Variants in ROBO2 observed in about 807,000 individuals in gnomAD.
ROBO2 encodes roundabout guidance receptor 2, also known as roundabout homolog 2.
A neutral mutation model predicts 160.8 loss-of-function variants in ROBO2; 53 were observed. The observed-to-expected ratio is 0.33, with a 90% CI of 0.26 to 0.41. The LOEUF (loss-of-function observed/expected upper bound fraction) is 0.41. ROBO2 is among the 10% of genes least tolerant of loss of function. The probability of loss-of-function intolerance (pLI) is 1.00; values close to 1 mark genes in which losing one functional copy is unlikely to be tolerated. For missense variants in ROBO2, 1,577 were observed against 1,722.4 expected (o/e 0.92, Z 1.49); for synonymous variants, 664 against 611.7 (o/e 1.09, Z -1.26).
chr3:76,614,519 T>A (rs2088408022), intron 2 of ROBO2, among the ~76,000 whole-genome samples: 1 of 152,120 alleles, frequency 6.6e-6, no homozygotes, highest in Non-Finnish European at 1.5e-5. Context: ...TTTTTAATTT[T>A]TATGAACTAC....
chr3:76,514,432 G>A (rs2081252727), intron 2 of ROBO2, among the ~76,000 whole-genome samples: 1 of 152,116 alleles, frequency 6.6e-6, no homozygotes, highest in Non-Finnish European at 1.5e-5. Context: ...ATTCAGCTGA[G>A]TCTTCAGAAA....
At chr3:77,441,458 T>C (rs962379334) in intron 2 of ROBO2, among the ~76,000 whole-genome samples, 2 of 152,116 alleles carry the variant, frequency 1.3e-5, no homozygotes, top group African/African-American at 2.4e-5. Flanking sequence ...AACAGTGTCA[T>C]GTAAAAAAAC....
At chr3:76,340,552 C>T (rs1166026615) in intron 2 of ROBO2, among the ~76,000 whole-genome samples, 2 of 152,128 alleles carry the variant, frequency 1.3e-5, no homozygotes, top group Admixed American at 1.3e-4. Flanking sequence ...TGATTTAAAG[C>T]TAATGGTGTA....
At chr3:77,329,516 A>G (rs1304867595) in intron 2 of ROBO2, among the ~76,000 whole-genome samples, 1 of 152,208 alleles carries the variant, frequency 6.6e-6, no homozygotes, top group Non-Finnish European at 1.5e-5. Flanking sequence ...AAACATAAGC[A>G]TCACACCTGG....
intron 2 of ROBO2, among the ~76,000 whole-genome samples, chr3:76,039,832 A>T (rs779490183): frequency 1.6e-4 from 25 of 152,038 alleles, no homozygotes; most frequent in Non-Finnish European, 2.9e-4. Context: ...TGCATAGGGG[A>T]TGTAGGTGGA....
intron 4 of ROBO2, among the ~76,000 whole-genome samples, chr3:77,486,053 T>A (rs1231994011): frequency 6.6e-6 from 1 of 152,194 alleles, no homozygotes; most frequent in Non-Finnish European, 1.5e-5. Context: ...GTTTCTGCAG[T>A]AGTTTGCTAA....
chr3:77,504,712 A>G (rs966825798), intron 5 of ROBO2, among the ~76,000 whole-genome samples: 1 of 152,216 alleles, frequency 6.6e-6, no homozygotes, highest in Non-Finnish European at 1.5e-5. Context: ...AATCCCATTC[A>G]TTGAATATTC....
At chr3:76,020,459 C>A (rs986589504) in intron 2 of ROBO2, among the ~76,000 whole-genome samples, 8 of 151,616 alleles carry the variant, frequency 5.3e-5, no homozygotes, top group African/African-American at 1.9e-4. Context: ...TTTTTCTGCA[C>A]CCTTTAAGTT....
rs369002227 is a variant in ROBO2 at position 76,769,184 on chromosome 3, G to GTT, written c.110-328829_110-328828insTT. 4.6e-3 allele frequency among the ~76,000 whole-genome samples: 692 copies of GTT among 151,558 alleles called. 5 individuals are homozygous for GTT. Among genetic ancestry groups the GTT allele is most frequent in the African/African-American group, 0.016 (663 of 41,468 alleles). ...TAGATGTGATGATGCTCAAAGTATA[G>GTT]TAAGATCTGGCGACACTTGTTAAAA... is the stretch of plus-strand genomic sequence containing the variant. On this transcript the variant is annotated intron_variant, in intron 2 of 26. Coordinates refer to the ROBO2 transcript ENST00000487694.
intron 2 of ROBO2, among the ~76,000 whole-genome samples, chr3:76,957,434 A>G (rs193264153): frequency 4.6e-5 from 7 of 152,248 alleles, no homozygotes; most frequent in African/African-American, 1.7e-4. Flanking sequence ...GATTGACGCT[A>G]TCTTACAGTG....
intron 2 of ROBO2, among the ~76,000 whole-genome samples, chr3:76,392,116 T>C (rs1378451448): frequency 6.6e-6 from 1 of 152,220 alleles, no homozygotes; most frequent in African/African-American, 2.4e-5. Context: ...TAAGATTTTC[T>C]TTTTCTGTAT....
chr3:76,934,396 T>C (rs34473605), intron 2 of ROBO2, among the ~76,000 whole-genome samples: 25,022 of 151,792 alleles, frequency 0.16, 2,456 homozygotes, highest in Non-Finnish European at 0.22. Flanking sequence ...AAATAATAGC[T>C]ACAAGAGTAA....
At chr3:77,090,822 T>C (rs2070128068) in intron 1 of ROBO2, among the ~76,000 whole-genome samples, 1 of 152,160 alleles carries the variant, frequency 6.6e-6, no homozygotes, top group Admixed American at 6.5e-5. Context: ...ATCTGTCATA[T>C]CAGCAGGTGG....
intron 2 of ROBO2, among the ~76,000 whole-genome samples, chr3:76,317,067 C>A (rs556876583): frequency 6.6e-6 from 1 of 152,278 alleles, no homozygotes; most frequent in East Asian, 1.9e-4. Flanking sequence ...AGACATCTGT[C>A]AGTTTTTATA....
At chr3:77,540,582 G>A (rs1382282394) in intron 6 of ROBO2, among the ~76,000 whole-genome samples, 1 of 151,848 alleles carries the variant, frequency 6.6e-6, no homozygotes, top group Non-Finnish European at 1.5e-5. Flanking sequence ...CAGTGGGGGC[G>A]CGCAGGGGGA....
At chr3:76,182,800 T>G (rs1055163977) in intron 2 of ROBO2, among the ~76,000 whole-genome samples, 2 of 152,164 alleles carry the variant, frequency 1.3e-5, no homozygotes, top group Admixed American at 1.3e-4. Flanking sequence ...CAAAGTGGTG[T>G]TAGTTTTTTC....
intron 2 of ROBO2, among the ~76,000 whole-genome samples, chr3:76,420,742 A>T (rs1350370454): frequency 6.6e-6 from 1 of 152,230 alleles, no homozygotes; most frequent in Non-Finnish European, 1.5e-5. Context: ...CTATTTTTAA[A>T]TTAAACATTT....
rs142355021 is a variant in ROBO2, at chr3:76,796,658, T to G, written c.110-301356T>G. 1.4e-3 allele frequency among the ~76,000 whole-genome samples: 217 copies of G among 152,064 alleles called. 1 individual carries two copies. Among genetic ancestry groups the G allele is most frequent in the African/African-American group, 5.1e-3 (212 of 41,490 alleles). ...CTCTCCAATCAAAAGACATACAGTG[T>G]CTGAATGGTTAAAAAACAAGACCCA... On this transcript the variant is annotated intron_variant, in intron 2 of 26. Transcript: ENST00000487694.
chr3:76,925,878 G>A (rs187172794), intron 2 of ROBO2, among the ~76,000 whole-genome samples: 4 of 152,306 alleles, frequency 2.6e-5, no homozygotes, highest in Admixed American at 2.0e-4. Flanking sequence ...GATAAAGCCA[G>A]TTCAGAAAGA....
Sources: allele counts gnomAD v4.1 joint callset (sites outside exome capture counted in the v4.1 genomes callset), GRCh38; gene constraint gnomAD v4.1.1; transcripts MANE v1.5; gene names NCBI Gene and HGNC (gene_info 2026-07-23, HGNC 2026-07-21).